The following STX11 variants were observed in gnomAD, a reference collection of about 807,000 sequenced individuals.
STX11 encodes syntaxin 11.
In STX11, 21 loss-of-function variants were observed where a neutral mutation model predicts 19.9. The observed-to-expected ratio is 1.06, with a 90% CI of 0.75 to 1.52. The LOEUF (loss-of-function observed/expected upper bound fraction) is 1.52, where lower values mean the gene tolerates loss of function less well. Among genes scored for constraint, STX11 ranks in the 40% most tolerant of loss-of-function variants. The pLI is 0.00. For missense variants in STX11, 438 were observed against 405.9 expected, an observed-to-expected ratio of 1.08 and a Z score of -0.68; for synonymous variants, 193 against 174.4, an observed-to-expected ratio of 1.11 and a Z score of -0.84.
chr6:144,188,213 C>A lies in STX11; in HGVS notation c.*722C>A, dbSNP rs1802115076. On this transcript the variant is annotated 3_prime_UTR_variant, in exon 2 of 2. Transcript: ENST00000367568. Reference sequence around the variant, plus strand: ...TATCAGTCATGTTTTGTGTATTTTTCGCTGATAAAAATTATTTAACATTTA... The same window carrying A: ...TATCAGTCATGTTTTGTGTATTTTTAGCTGATAAAAATTATTTAACATTTA... 4.3e-6 allele frequency: 1 copy of A among 234,380 alleles called. No individual in the cohort carries two copies. The highest frequency in any genetic ancestry group is 9.1e-6 in the Non-Finnish European group (1 of 110,044). 14.5% of individuals were successfully genotyped at this position (234,380 alleles called of 1,614,324 possible). A position where few individuals can be genotyped will look rare whatever the true frequency, so the allele number is the denominator to read the frequency against.
chr6:144,144,491 G>A, the STX11 span, among the ~76,000 whole-genome samples: 9 of 152,284 alleles, frequency 5.9e-5, no homozygotes, highest in South Asian at 1.2e-3. Context: ...TGTAAGATGA[G>A]GCAGAGGTGG....
At chr6:144,185,210 T>A (rs546219868) in intron 1 of STX11, among the ~76,000 whole-genome samples, 26 of 152,346 alleles carry the variant, frequency 1.7e-4, no homozygotes, top group Non-Finnish European at 3.8e-4. Context: ...AAGGCCGTGG[T>A]TAATATTTCA....
intron 1 of STX11, among the ~76,000 whole-genome samples, chr6:144,166,835 C>T (rs1041102709): frequency 6.6e-6 from 1 of 151,272 alleles, no homozygotes; most frequent in Non-Finnish European, 1.5e-5. Context: ...CCCACCTTCC[C>T]CCTTTCCCCC....
At chr6:144,157,161 A>G (rs1801192369) in intron 1 of STX11, among the ~76,000 whole-genome samples, 1 of 152,216 alleles carries the variant, frequency 6.6e-6, no homozygotes, top group Admixed American at 6.5e-5. Context: ...TCTGGGCACA[A>G]TACACAGTAG....
chr6:144,157,992 C>CAA (rs60368775), intron 1 of STX11, among the ~76,000 whole-genome samples: 13 of 142,232 alleles, frequency 9.1e-5, no homozygotes, highest in African/African-American at 2.8e-4. Flanking sequence ...AGGGGAAAAA[C>CAA]AAAAAAAAAA....
Position 144,174,575 on chromosome 6 carries a change from C to G in STX11, c.-5-12048C>G, listed in dbSNP as rs964276091. On this transcript the variant is annotated intron_variant, in intron 1 of 1. Coordinates refer to ENST00000367568, the MANE Select transcript of STX11 (RefSeq NM_003764.4). The surrounding 1 kb of genome is among the most constrained non-coding windows in gnomAD (Gnocchi z 5.3). ...GTAGAGCTGGATTTTGCCCTGTTAC[C>G]CAGGCTGGTCTTGAACTCCTGGGCA... Among the ~76,000 whole-genome samples the G allele has an allele frequency of 1.6e-4, 25 of 151,926 alleles. No homozygotes were observed. Among genetic ancestry groups the G allele is most frequent in the African/African-American group, 5.6e-4 (23 of 41,370 alleles).
chr6:144,156,926 A>C (rs899883948), intron 1 of STX11, among the ~76,000 whole-genome samples: 6 of 152,162 alleles, frequency 3.9e-5, no homozygotes, highest in African/African-American at 1.2e-4. Context: ...ATAAGGATTC[A>C]TTGTTGCTGT....
intron 1 of STX11, among the ~76,000 whole-genome samples, 152 bp downstream of exon 1, chr6:144,150,855 C>T (rs958560676): frequency 1.1e-4 from 16 of 152,292 alleles, no homozygotes; most frequent in African/African-American, 2.6e-4. Flanking sequence ...TGGCGCAGGT[C>T]CTCACGCCGC....
In STX11 at chr6:144,187,967, C is replaced by T. The variant is rs1264984533; in HGVS notation, c.*476C>T. The stretch of plus-strand genomic sequence containing the variant: ...GCGAAATTGGCCTTGGGAAAAACCA[C>T]GTTCTTCCTTTCCGATTCTTCATCC... On this transcript the variant is annotated 3_prime_UTR_variant, in exon 2 of 2. Coordinates refer to ENST00000367568, the MANE Select transcript of STX11 (RefSeq NM_003764.4). The surrounding 1 kb of genome is among the most constrained non-coding windows in gnomAD (Gnocchi z 5.6). 2.5e-5 allele frequency: 7 copies of T among 284,384 alleles called. No individual in the cohort carries two copies. Among genetic ancestry groups the T allele is most frequent in the African/African-American group, 4.3e-5 (2 of 46,052 alleles). 17.6% of individuals were successfully genotyped at this position (284,384 alleles called of 1,614,324 possible).
intron 1 of STX11, among the ~76,000 whole-genome samples, chr6:144,178,405 G>A (rs146769490): frequency 6.6e-6 from 1 of 152,208 alleles, no homozygotes; most frequent in Non-Finnish European, 1.5e-5. Flanking sequence ...CTACACAGGA[G>A]TAGCTGCTTT....
At position 144,167,746 on chromosome 6, in the gene STX11, G is replaced by A. The variant is rs1355304086; in HGVS notation, c.-6+17043G>A. Among the ~76,000 whole-genome samples the A allele has an allele frequency of 6.6e-6, 1 of 151,906 alleles. No homozygotes were observed. Among genetic ancestry groups the A allele is most frequent in the Non-Finnish European group, 1.5e-5 (1 of 68,032 alleles). On this transcript the variant is annotated intron_variant, in intron 1 of 1. Coordinates refer to ENST00000367568, the MANE Select transcript of STX11 (RefSeq NM_003764.4). This position sits in a 1 kb window ranked among gnomAD's most constrained non-coding sequence, Gnocchi z 5.0. ...TGATCATCCCATCTCAGCCTCCCAA[G>A]CAGCTGGGAATACAGGTGTACACCA... is the stretch of plus-strand genomic sequence containing the variant.
In STX11 at chr6:144,160,339, T is replaced by C. The variant is rs1212515841; in HGVS notation, c.-6+9636T>C. 6.6e-6 allele frequency among the ~76,000 whole-genome samples: 1 copy of C among 152,128 alleles called. No homozygotes were observed. The highest frequency in any genetic ancestry group is 1.5e-5 in the Non-Finnish European group (1 of 68,018). Reference sequence around the variant, plus strand: ...AATTATTTTTGTACCTCCTTATTTCTCCCCATAAATTGTAAGCTTAGGGTA... The same window carrying C: ...AATTATTTTTGTACCTCCTTATTTCCCCCCATAAATTGTAAGCTTAGGGTA... On this transcript the variant is annotated intron_variant, in intron 1 of 1. Coordinates refer to ENST00000367568, the MANE Select transcript of STX11 (RefSeq NM_003764.4). This position sits in a 1 kb window ranked among gnomAD's most constrained non-coding sequence, Gnocchi z 4.3.
rs1801789355 is a variant in STX11, at chr6:144,176,800, T to C, written c.-5-9823T>C. On this transcript the variant is annotated intron_variant, in intron 1 of 1. Coordinates refer to ENST00000367568, the MANE Select transcript of STX11 (RefSeq NM_003764.4). This position sits in a 1 kb window ranked among gnomAD's most constrained non-coding sequence, Gnocchi z 4.1. The stretch of plus-strand genomic sequence containing the variant: ...CTGTTTTTTAAAAAGCAAGGAAGTG[T>C]GTCCAGGCATTTTAGAAGAGGATTT... Among the ~76,000 whole-genome samples, 1 of 152,164 alleles carries C rather than the reference T, an allele frequency of 6.6e-6. No individual in the cohort carries two copies. The highest frequency in any genetic ancestry group is 1.5e-5 in the Non-Finnish European group (1 of 68,016).
chr6:144,158,212 C>T (rs766151063), intron 1 of STX11, among the ~76,000 whole-genome samples: 1 of 152,134 alleles, frequency 6.6e-6, no homozygotes, highest in African/African-American at 2.4e-5. Context: ...TCATGGGAAC[C>T]GTGGGACAGC....
At position 144,188,894 on chromosome 6, in the gene STX11, T is replaced by C. The variant is rs1802141817; in HGVS notation, c.*1403T>C. On this transcript the variant is annotated 3_prime_UTR_variant, in exon 2 of 2. Coordinates refer to ENST00000367568, the MANE Select transcript of STX11 (RefSeq NM_003764.4). Reference sequence around the variant, plus strand: ...GGCGCGTGCCACAATGTCTGGCTAATTTTTTATGTTTTTAGTAAAGACGGT... The same window carrying C: ...GGCGCGTGCCACAATGTCTGGCTAACTTTTTATGTTTTTAGTAAAGACGGT... 6.6e-6 allele frequency among the ~76,000 whole-genome samples: 1 copy of C among 152,054 alleles called. No homozygotes were observed. Among genetic ancestry groups the C allele is most frequent in the Non-Finnish European group, 1.5e-5 (1 of 68,002 alleles).
chr6:144,169,382 A>G lies in STX11; in HGVS notation c.-5-17241A>G, dbSNP rs1368009171. Among the ~76,000 whole-genome samples the G allele has an allele frequency of 6.6e-6, 1 of 152,216 alleles. No homozygotes were observed. The highest frequency in any genetic ancestry group is 1.5e-5 in the Non-Finnish European group (1 of 68,036). Reference sequence around the variant, plus strand: ...TTCTCTGCTGCTTTGTGATCAGCAGATGCTTCATCACCACACATCTTTGAA... The same window carrying G: ...TTCTCTGCTGCTTTGTGATCAGCAGGTGCTTCATCACCACACATCTTTGAA... On this transcript the variant is annotated intron_variant, in intron 1 of 1. Coordinates refer to ENST00000367568, the MANE Select transcript of STX11 (RefSeq NM_003764.4). This position sits in a 1 kb window ranked among gnomAD's most constrained non-coding sequence, Gnocchi z 5.2.
At chr6:144,166,525 CTT>C (rs1174123119) in intron 1 of STX11, among the ~76,000 whole-genome samples, 19 of 125,520 alleles carry the variant, frequency 1.5e-4, no homozygotes, top group African/African-American at 3.7e-4. Flanking sequence ...CTTTTCTTTC[CTT>C]TTTTTTTTTT....
In STX11 at chr6:144,191,454, A is replaced by G. The variant is rs1802206952; in HGVS notation, c.*3963A>G. ...AACAGTCCTAATGCTTTATAGTTAA[A>G]TGTCATATGCAGATATGTTCAGGCT... On this transcript the variant is annotated 3_prime_UTR_variant, in exon 2 of 2. Coordinates refer to ENST00000367568, the MANE Select transcript of STX11 (RefSeq NM_003764.4). Among the ~76,000 whole-genome samples, 1 of 151,520 alleles carries G rather than the reference A, an allele frequency of 6.6e-6. No individual in the cohort carries two copies. The highest frequency in any genetic ancestry group is 1.5e-5 in the Non-Finnish European group (1 of 67,952).
intron 1 of STX11, among the ~76,000 whole-genome samples, chr6:144,181,379 G>A (rs1176336145): frequency 6.6e-6 from 1 of 152,052 alleles, no homozygotes; most frequent in Non-Finnish European, 1.5e-5. Context: ...TGGATCACCT[G>A]AGATCAAGAG....
Sources: gnomAD v4.1 joint callset for allele counts (sites outside exome capture counted in the v4.1 genomes callset) on GRCh38, gnomAD v4.1.1 for gene constraint, Gnocchi (gnomAD v3.1) non-coding constraint, MANE v1.5 for transcripts, NCBI Gene and HGNC (gene_info 2026-07-23, HGNC 2026-07-21) for gene names.